CCR6: variants seen among roughly 807,000 people sequenced by gnomAD.
The protein encoded by CCR6 is C-C chemokine receptor type 6.
A neutral mutation model predicts 3.0 loss-of-function variants in CCR6; 2 were observed. The ratio of observed to expected loss-of-function variants is 0.66; its 90% CI spans 0.27 to 2.07. The LOEUF (loss-of-function observed/expected upper bound fraction) is 2.07. Ranked by LOEUF, CCR6 falls within the 30% of genes most tolerant of loss-of-function variation. The pLI, the probability that CCR6 is intolerant of heterozygous loss-of-function variation, is 0.14. For synonymous variants in CCR6, 193 were observed against 184.3 expected (o/e 1.05, Z -0.38); for missense variants, 322 against 462.8 (o/e 0.70, Z 2.79).
At chr6:167,131,119 A>G (rs1257005504) in intron 1 of CCR6, 3 of 152,140 alleles carry the variant, frequency 2.0e-5, no homozygotes, top group Middle Eastern at 3.4e-3. Flanking sequence ...CCTTCTGTTC[A>G]CCAAGAGTTA....
At chr6:167,117,415 C>CTTTTTTT (rs35058463) in intron 1 of CCR6, among the ~76,000 whole-genome samples, 2 of 109,894 alleles carry the variant, frequency 1.8e-5, no homozygotes, top group African/African-American at 3.7e-5. Context: ...TTTTTTTTTT[C>CTTTTTTT]TTTTTTTTTT....
In CCR6 at chr6:167,139,030, G is replaced by A. The variant is rs988421526; in HGVS notation, c.*1675G>A. On this transcript the variant is annotated 3_prime_UTR_variant, in exon 3 of 3. Coordinates refer to ENST00000341935, the MANE Select transcript of CCR6 (RefSeq NM_031409.4). The stretch of plus-strand genomic sequence containing the variant: ...TTGAAACTTTATATTGTTCTTGTAA[G>A]CTTTAACTATATCTCTCTTTAAAAT... 4 of 151,530 alleles carry A rather than the reference G, an allele frequency of 2.6e-5. No individual in the cohort carries two copies. Among genetic ancestry groups the A allele is most frequent in the African/African-American group, 9.7e-5 (4 of 41,156 alleles). 9.4% of individuals were successfully genotyped at this position (151,530 alleles called of 1,614,324 possible).
chr6:167,112,356 C>A lies in CCR6; in HGVS notation c.-98+342C>A, dbSNP rs1582987471. 2.6e-5 allele frequency among the ~76,000 whole-genome samples: 4 copies of A among 152,208 alleles called. No individual in the cohort carries two copies. The Middle Eastern group carries it at 0.014, about 518-fold the overall frequency. On this transcript the variant is annotated intron_variant, in intron 1 of 2. Transcript: ENST00000400926. ...AAGATGGCCATGGAGGGTTGGGAGG[C>A]AGATTTTTCTGATCCTAGTCTGTGT...
chr6:167,137,115 CT>C lies in CCR6; in HGVS notation c.886del (p.Tyr296IlefsTer16). ...CCTGCCAGAGCGAAAAGCTAATTGG[CT>C]ATACGAAAACTGTCACAGAAGTCCT... ...RSCQSEKLIG[Y>X]TKTVTEVLAF... On this transcript the variant is annotated frameshift_variant, in exon 3 of 3. Transcript: ENST00000341935. LOFTEE classifies it low-confidence loss of function (END_TRUNC). This position sits in a 1 kb window ranked among gnomAD's most constrained non-coding sequence, Gnocchi z 4.6. The C allele has an allele frequency of 6.2e-7, 1 of 1,614,202 alleles. No individual in the cohort carries two copies. Among genetic ancestry groups the C allele is most frequent in the South Asian group, 1.1e-5 (1 of 91,086 alleles).
upstream of CCR6, among the ~76,000 whole-genome samples, chr6:167,119,565 A>G (rs1172173878): frequency 2.6e-5 from 4 of 152,226 alleles, no homozygotes; most frequent in African/African-American, 9.6e-5. Flanking sequence ...CAGCTACTTT[A>G]TGGGGTAGAA....
chr6:167,124,061 G>A (rs1162584023), intron 1 of CCR6, among the ~76,000 whole-genome samples: 1 of 152,142 alleles, frequency 6.6e-6, no homozygotes, highest in African/African-American at 2.4e-5. Context: ...GCAGTGAGCC[G>A]AGATCACGCT....
chr6:167,117,657 C>T lies in CCR6; in HGVS notation c.-98+5643C>T, dbSNP rs189060835. ...GTCTCGATCTCCTGACCTCGTGATC[C>T]GCCCGTCTCAGCCTCCCAAAGTGCT... On this transcript the variant is annotated intron_variant, in intron 1 of 2. Transcript: ENST00000400926. 2.4e-3 allele frequency among the ~76,000 whole-genome samples: 368 copies of T among 152,042 alleles called. 2 individuals carry two copies. The highest frequency in any genetic ancestry group is 6.8e-3 in the Middle Eastern group (2 of 294).
upstream of CCR6, among the ~76,000 whole-genome samples, chr6:167,121,865 C>T (rs36225733): frequency 0.014 from 2,119 of 152,260 alleles, 39 homozygotes; most frequent in African/African-American, 0.048. Flanking sequence ...TCTGCAAGCA[C>T]TTCAAACAGA....
chr6:167,119,626 A>G (rs552273209), upstream of CCR6, among the ~76,000 whole-genome samples: 25 of 152,354 alleles, frequency 1.6e-4, no homozygotes, highest in African/African-American at 5.8e-4. Flanking sequence ...TACAGTGAGC[A>G]TTGAAGGATA....
upstream of CCR6, chr6:167,121,029 G>A (rs1032656567): frequency 3.9e-5 from 6 of 152,296 alleles, no homozygotes; most frequent in African/African-American, 1.2e-4. Context: ...CGAAGTAAAG[G>A]CAACCAGCCC....
chr6:167,115,929 C>T (rs1781485819), intron 1 of CCR6: 3 of 152,148 alleles, frequency 2.0e-5, no homozygotes, highest in Admixed American at 2.0e-4. Context: ...ATGTCATGGT[C>T]AGGGTTGGAA....
At chr6:167,112,746 G>C (rs924047178) in intron 1 of CCR6, among the ~76,000 whole-genome samples, 1 of 152,126 alleles carries the variant, frequency 6.6e-6, no homozygotes. Context: ...GAGCCACAGC[G>C]TGCTGACGAA....
At position 167,136,329 on chromosome 6, in the gene CCR6, G is replaced by A. The variant is rs1781849571; in HGVS notation, c.99G>A (p.Met33Ile). ...NTSYYSVDSE[M>I]LLCSLQEVRQ... ...CATATTACTCAGTTGATTCTGAGATGTTACTGTGCTCCTTGCAGGAGGTCA... is the reference window on the plus strand; with the variant it reads ...CATATTACTCAGTTGATTCTGAGATATTACTGTGCTCCTTGCAGGAGGTCA... Residue 33 changes from methionine to isoleucine, a missense_variant, in exon 3 of 3, where the codon ATG (methionine) becomes ATA (isoleucine). Coordinates refer to ENST00000341935, the MANE Select transcript of CCR6 (RefSeq NM_031409.4). This position sits in a 1 kb window ranked among gnomAD's most constrained non-coding sequence, Gnocchi z 4.6. The A allele has an allele frequency of 6.2e-7, 1 of 1,614,092 alleles. No individual in the cohort carries two copies.
At position 167,137,528 on chromosome 6, in the gene CCR6, TGGTCTCTGATA is replaced by T; in HGVS notation, c.*177_*187del. 1.6e-6 allele frequency: 1 copy of T among 619,498 alleles called. No individual in the cohort carries two copies. Among genetic ancestry groups the T allele is most frequent in the East Asian group, 2.8e-5 (1 of 35,614 alleles). 38.4% of individuals were successfully genotyped at this position (619,498 alleles called of 1,614,324 possible). A position where few individuals can be genotyped will look rare whatever the true frequency, so the allele number is the denominator to read the frequency against. On this transcript the variant is annotated 3_prime_UTR_variant, in exon 3 of 3. Transcript: ENST00000341935. The surrounding 1 kb of genome is among the most constrained non-coding windows in gnomAD (Gnocchi z 4.6). ...GCTGTGTGATCTCTTCAGGGTGGGG[TGGTCTCTGATA>T]GGTAGCATTTTCCAGCACTTTGCAA...
At chr6:167,125,597 G>C (rs1261549097) in intron 1 of CCR6, among the ~76,000 whole-genome samples, 1 of 152,222 alleles carries the variant, frequency 6.6e-6, no homozygotes, top group Non-Finnish European at 1.5e-5. Context: ...TAAGGTAGAG[G>C]CACCGTTGAA....
chr6:167,131,595 C>A, intron 1 of CCR6: 1 of 154,674 alleles, frequency 6.5e-6, no homozygotes, highest in East Asian at 1.9e-4. Flanking sequence ...CAGAGCCGCG[C>A]CCCTGCTGCA....
rs1429708390 is a variant in CCR6, at chr6:167,137,733, T to C, written c.*378T>C. ...TGGTTACAGCACAAAATGATGGCAG[T>C]GGTTTGAAAAACTAAAACAGAAAAA... is the stretch of plus-strand genomic sequence containing the variant. On this transcript the variant is annotated 3_prime_UTR_variant, in exon 3 of 3. Transcript: ENST00000341935. This position sits in a 1 kb window ranked among gnomAD's most constrained non-coding sequence, Gnocchi z 4.6. 3 of 165,560 alleles carry C rather than the reference T, an allele frequency of 1.8e-5. No individual in the cohort carries two copies. Among genetic ancestry groups the C allele is most frequent in the Non-Finnish European group, 2.6e-5 (2 of 75,732 alleles). The allele number at this position is 165,560 out of a possible 1,614,324, so 10.3% of individuals were successfully genotyped here. A position where few individuals can be genotyped will look rare whatever the true frequency, so the allele number is the denominator to read the frequency against.
At chr6:167,117,948 T>A (rs1041966785), upstream of CCR6, among the ~76,000 whole-genome samples, 2 of 24,258 alleles carry the variant, frequency 8.2e-5, no homozygotes, top group African/African-American at 4.7e-4. Flanking sequence ...TTTTCTGTTT[T>A]TTTTTTTTTT....
At chr6:167,129,794 G>C (rs41513348) in intron 1 of CCR6, among the ~76,000 whole-genome samples, 1,557 of 151,684 alleles carry the variant, frequency 0.01, 93 homozygotes, top group African/African-American at 0.036. Context: ...AGGGTACCCC[G>C]GGTCCTGTGA....
Sources: gnomAD v4.1 joint callset for allele counts (sites outside exome capture counted in the v4.1 genomes callset) on GRCh38, gnomAD v4.1.1 for gene constraint, Gnocchi (gnomAD v3.1) non-coding constraint, MANE v1.5 for transcripts, NCBI Gene and HGNC (gene_info 2026-07-23, HGNC 2026-07-21) for gene names.